The following COL22A1 variants were observed in gnomAD, a reference collection of about 807,000 sequenced individuals.
The protein encoded by COL22A1 is collagen type XXII alpha 1 chain.
In COL22A1, 221 loss-of-function variants were observed where a neutral mutation model predicts 248.9. The observed-to-expected ratio is 0.89, with a 90% CI of 0.80 to 0.99. The LOEUF (loss-of-function observed/expected upper bound fraction) is 0.99, where lower values mean the gene tolerates loss of function less well. Ranked by LOEUF, COL22A1 falls within the 50% of genes least tolerant of loss-of-function variation. COL22A1 has a pLI of 0.00. For synonymous variants in COL22A1, 891 were observed against 793.4 expected (o/e 1.12, Z -2.07); for missense variants, 2,240 against 2,179.0 (o/e 1.03, Z -0.56).
intron 3 of COL22A1, among the ~76,000 whole-genome samples, chr8:138,845,509 C>T (rs1383440585): frequency 7.6e-6 from 1 of 130,838 alleles, no homozygotes; most frequent in Non-Finnish European, 1.6e-5. Flanking sequence ...AATGAGACTC[C>T]ACCTCAAAAA....
At chr8:138,695,895 G>A (rs1476185070) in intron 32 of COL22A1, among the ~76,000 whole-genome samples, 1 of 152,100 alleles carries the variant, frequency 6.6e-6, no homozygotes, top group African/African-American at 2.4e-5. Flanking sequence ...TGCAGGAGAG[G>A]AGTGGGGCCA....
intron 45 of COL22A1, among the ~76,000 whole-genome samples, chr8:138,652,425 T>C (rs1262617812): frequency 6.6e-6 from 1 of 152,224 alleles, no homozygotes; most frequent in Non-Finnish European, 1.5e-5. Context: ...CGGTTTTGTT[T>C]ATTTTCCTCC....
intron 62 of COL22A1, among the ~76,000 whole-genome samples, chr8:138,595,126 G>A (rs765588554): frequency 7.2e-5 from 11 of 152,086 alleles, no homozygotes; most frequent in Admixed American, 3.9e-4. Flanking sequence ...CAAGGCCCCC[G>A]GCGTTTGATA....
At position 138,603,302 on chromosome 8, in the gene COL22A1, A is replaced by C. The variant is rs184017339; in HGVS notation, c.4141-1143T>G. ...AGACTGATTTAATTGCTGTAACATA[A>C]TTACCAAAAGCTGCCTCGGTATTCC... On this transcript the variant is annotated intron_variant, in intron 59 of 64. Coordinates refer to ENST00000303045, the MANE Select transcript of COL22A1 (RefSeq NM_152888.3). Among the ~76,000 whole-genome samples the C allele has an allele frequency of 5.1e-4, 78 of 152,356 alleles. 2 individuals are homozygous for C. The highest frequency in any genetic ancestry group is 3.4e-3 in the Middle Eastern group (1 of 294).
Position 138,661,105 on chromosome 8 carries a change from CACAG to C in COL22A1, c.3241-629_3241-626del, listed in dbSNP as rs774071621. Among the ~76,000 whole-genome samples the C allele has an allele frequency of 9.8e-3, 981 of 99,714 alleles. 9 individuals are homozygous for C. Among genetic ancestry groups the C allele is most frequent in the African/African-American group, 0.02 (730 of 35,774 alleles). 65.4% of individuals were successfully genotyped at this position (99,714 alleles called of 152,430 possible). A position where few individuals can be genotyped will look rare whatever the true frequency, so the allele number is the denominator to read the frequency against. ...ACACACAAACATACACACACACACACACAGACACACACACCCTGTCTTAAACTTT... is the reference window on the plus strand; with the variant it reads ...ACACACAAACATACACACACACACACACACACACACCCTGTCTTAAACTTT... On this transcript the variant is annotated intron_variant, in intron 43 of 64. Coordinates refer to ENST00000303045, the MANE Select transcript of COL22A1 (RefSeq NM_152888.3).
At chr8:138,761,091 G>A (rs1024423061) in intron 17 of COL22A1, among the ~76,000 whole-genome samples, 2 of 152,200 alleles carry the variant, frequency 1.3e-5, no homozygotes, top group Non-Finnish European at 2.9e-5. Context: ...ACTCTGAACA[G>A]CAAAGATCTG....
chr8:138,718,793 A>C (rs1829641886), intron 27 of COL22A1, among the ~76,000 whole-genome samples: 1 of 152,250 alleles, frequency 6.6e-6, no homozygotes, highest in Non-Finnish European at 1.5e-5. Flanking sequence ...AATAAAAATG[A>C]CACATGAGAT....
At chr8:138,694,483 G>T (rs377506897) in intron 34 of COL22A1, 25 bp downstream of exon 34, 21 of 1,611,624 alleles carry the variant, frequency 1.3e-5, no homozygotes, top group Non-Finnish European at 1.7e-5. Flanking sequence ...CTCTGAGCCA[G>T]CAGGGGAAGG....
intron 21 of COL22A1, among the ~76,000 whole-genome samples, chr8:138,752,664 T>A (rs1157904191): frequency 6.6e-6 from 1 of 152,202 alleles, no homozygotes; most frequent in African/African-American, 2.4e-5. Flanking sequence ...GCCTGTTTCA[T>A]CTTAGGGAAT....
rs770852521 is a variant in COL22A1 at position 138,775,987 on chromosome 8, T to C, written c.1782A>G (p.Glu594=). The C allele has an allele frequency of 3.0e-5, 49 of 1,613,438 alleles. No homozygotes were observed. The highest frequency in any genetic ancestry group is 4.1e-5 in the Non-Finnish European group (48 of 1,179,906). Residue 594 remains glutamate (E), a synonymous_variant, in exon 16 of 65, where the codon GAA becomes GAG. Coordinates refer to ENST00000303045, the MANE Select transcript of COL22A1 (RefSeq NM_152888.3). ...ATACCTTTTCTCCTCGAGTTCCCTT[T>C]TCACCTCGTTCTCCTTGGAGACCCT... ...GAPGLQGERG[E]KGTRGEKGER...
intron 27 of COL22A1, among the ~76,000 whole-genome samples, chr8:138,717,582 A>G (rs2131107113): frequency 6.6e-6 from 1 of 152,004 alleles, no homozygotes; most frequent in South Asian, 2.1e-4. Context: ...TCCCACCTCA[A>G]CCTCCTGAGT....
chr8:138,741,138 G>A (rs58212186), intron 22 of COL22A1, among the ~76,000 whole-genome samples: 3,331 of 152,264 alleles, frequency 0.022, 76 homozygotes, highest in African/African-American at 0.061. Context: ...TGCCTGAGAC[G>A]TTGCCATTCT....
In COL22A1 at chr8:138,877,970, G is replaced by A. The variant is rs557473573; in HGVS notation, c.438C>T (p.Ala146=). ...RPRDRAYKQV[A]ILLTDGRSQD... ...GGCTGCGGCCGTCGGTGAGCAGGAT[G>A]GCCACCTGCTTGTAGGCGCGGTCCC... The change falls in exon 3 of 65, where the codon GCC becomes GCT. Residue 146 remains alanine (A), a synonymous_variant. Coordinates refer to ENST00000303045, the MANE Select transcript of COL22A1 (RefSeq NM_152888.3). The A allele has an allele frequency of 8.8e-6, 14 of 1,592,530 alleles. No individual in the cohort carries two copies. The highest frequency in any genetic ancestry group is 1.2e-5 in the Non-Finnish European group (14 of 1,169,586).
At chr8:138,615,535 A>G (rs911687457) in intron 55 of COL22A1, among the ~76,000 whole-genome samples, 4 of 151,730 alleles carry the variant, frequency 2.6e-5, no homozygotes, top group Admixed American at 1.3e-4. Context: ...CATCTCAAAA[A>G]AAAAAAAAAA....
At chr8:138,866,502 G>A (rs1317739917) in intron 3 of COL22A1, among the ~76,000 whole-genome samples, 4 of 151,900 alleles carry the variant, frequency 2.6e-5, no homozygotes, top group South Asian at 2.1e-4. Flanking sequence ...TTTAATTGTC[G>A]CCACTCTATA....
At chr8:138,833,383 G>A (rs1487236356) in intron 4 of COL22A1, among the ~76,000 whole-genome samples, 1 of 152,220 alleles carries the variant, frequency 6.6e-6, no homozygotes. Context: ...CAGACAACTG[G>A]CTTTCTCAAG....
At chr8:138,913,320 C>T (rs1252276704) in intron 1 of COL22A1, among the ~76,000 whole-genome samples, 1 of 152,162 alleles carries the variant, frequency 6.6e-6, no homozygotes, top group Non-Finnish European at 1.5e-5. Flanking sequence ...TCTCGGCGGC[C>T]ATCGCTGAGC....
chr8:138,807,197 G>C (rs1817805036), intron 10 of COL22A1, among the ~76,000 whole-genome samples: 3 of 152,134 alleles, frequency 2.0e-5, no homozygotes, highest in Non-Finnish European at 2.9e-5. Context: ...AGGCCCAGCT[G>C]TCTCCAGTGA....
intron 62 of COL22A1, among the ~76,000 whole-genome samples, chr8:138,595,400 C>T (rs978001789): frequency 1.3e-5 from 2 of 152,146 alleles, no homozygotes; most frequent in Non-Finnish European, 2.9e-5. Context: ...GCTCTTGTCT[C>T]TGCTCTTGGG....
Sources: gnomAD v4.1 joint callset for allele counts (sites outside exome capture counted in the v4.1 genomes callset) on GRCh38, gnomAD v4.1.1 for gene constraint, MANE v1.5 for transcripts, NCBI Gene and HGNC (gene_info 2026-07-23, HGNC 2026-07-21) for gene names.